The following GNAQ variants were observed in gnomAD, a reference collection of about 807,000 sequenced individuals.
GNAQ encodes the protein G protein subunit alpha q, also known as guanine nucleotide-binding protein G(q) subunit alpha.
A neutral mutation model predicts 43.9 loss-of-function variants in GNAQ; 8 were observed. The observed-to-expected ratio is 0.18, with a 90% CI of 0.11 to 0.33. The LOEUF (loss-of-function observed/expected upper bound fraction) is 0.33. Among genes scored for constraint, GNAQ ranks in the 10% least tolerant of loss-of-function variants. The pLI is 1.00. For missense variants in GNAQ, 158 were observed against 450.8 expected, an observed-to-expected ratio of 0.35 and a Z score of 5.88; for synonymous variants, 155 against 170.7, an observed-to-expected ratio of 0.91 and a Z score of 0.71.
intron 5 of GNAQ, among the ~76,000 whole-genome samples, chr9:77,767,065 T>C (rs1299508498): frequency 6.6e-6 from 1 of 152,162 alleles, no homozygotes; most frequent in Admixed American, 6.5e-5. Context: ...ACGTTTAGTG[T>C]GTACTGGCAC....
intron 1 of GNAQ, among the ~76,000 whole-genome samples, chr9:77,997,580 C>T (rs750691138): frequency 1.3e-5 from 2 of 152,098 alleles, no homozygotes; most frequent in South Asian, 2.1e-4. Flanking sequence ...GTGATCAGAA[C>T]GGGATCCCCT....
intron 2 of GNAQ, among the ~76,000 whole-genome samples, chr9:77,851,945 G>A (rs1229612709): frequency 6.6e-6 from 1 of 152,180 alleles, no homozygotes; most frequent in African/African-American, 2.4e-5. Flanking sequence ...GTAAAAATCA[G>A]CAAAGATTCC....
chr9:77,913,992 T>G (rs1587405857), intron 2 of GNAQ, among the ~76,000 whole-genome samples: 1 of 152,222 alleles, frequency 6.6e-6, no homozygotes, highest in Non-Finnish European at 1.5e-5. Context: ...AAAATGAACT[T>G]AGATGTACAT....
intron 2 of GNAQ, among the ~76,000 whole-genome samples, chr9:77,827,635 C>T (rs182541182): frequency 6.6e-6 from 1 of 152,120 alleles, no homozygotes; most frequent in East Asian, 1.9e-4. Flanking sequence ...TCTTACTAAC[C>T]TCTTCTGTGT....
chr9:77,923,057 A>G (rs900707717), intron 1 of GNAQ, among the ~76,000 whole-genome samples: 2 of 151,512 alleles, frequency 1.3e-5, no homozygotes, highest in Non-Finnish European at 2.9e-5. Context: ...GGTTCTCACT[A>G]GATTGACTGG....
chr9:77,870,476 CCA>C (rs1268473830), intron 2 of GNAQ, among the ~76,000 whole-genome samples: 2 of 151,834 alleles, frequency 1.3e-5, no homozygotes, highest in African/African-American at 4.8e-5. Flanking sequence ...CAGGCGCCTG[CCA>C]AGGCGCCCTG....
At chr9:77,774,476 TAGAG>T (rs980202416) in intron 5 of GNAQ, among the ~76,000 whole-genome samples, 3 of 152,044 alleles carry the variant, frequency 2.0e-5, no homozygotes, top group Non-Finnish European at 2.9e-5. Flanking sequence ...AAAGAAAAAA[TAGAG>T]AGACAGGTTC....
At chr9:77,901,666 T>G (rs1457562889) in intron 2 of GNAQ, among the ~76,000 whole-genome samples, 1 of 152,208 alleles carries the variant, frequency 6.6e-6, no homozygotes, top group Non-Finnish European at 1.5e-5. Context: ...ACAGCTACCC[T>G]AGAAATCCTG....
chr9:77,854,440 C>T lies in GNAQ; in HGVS notation c.322-38670G>A, dbSNP rs11145584. ...AAAACAGGAAAGATTTGTCATGGGG[C>T]AAGACTAAACACAGGTTAAGTGGCA... On this transcript the variant is annotated intron_variant, in intron 2 of 6. Coordinates refer to ENST00000286548, the MANE Select transcript of GNAQ (RefSeq NM_002072.5). Among the ~76,000 whole-genome samples, 4 of 152,224 alleles carry T rather than the reference C, an allele frequency of 2.6e-5. 1 individual carries two copies. The highest frequency in any genetic ancestry group is 4.2e-4 in the South Asian group (2 of 4,818).
intron 5 of GNAQ, among the ~76,000 whole-genome samples, chr9:77,767,184 A>G (rs1272228891): frequency 1.3e-5 from 2 of 152,104 alleles, no homozygotes; most frequent in Non-Finnish European, 2.9e-5. Context: ...GCGGCCCTCT[A>G]GGTTCCCCCA....
intron 3 of GNAQ, among the ~76,000 whole-genome samples, chr9:77,805,168 C>G (rs1564115819): frequency 6.6e-6 from 1 of 152,104 alleles, no homozygotes; most frequent in Non-Finnish European, 1.5e-5. Context: ...GCATAACCTA[C>G]TCTAGTCCCT....
intron 5 of GNAQ, among the ~76,000 whole-genome samples, chr9:77,779,684 A>AC (rs905599016): frequency 7.4e-6 from 1 of 135,812 alleles, no homozygotes; most frequent in African/African-American, 2.9e-5. Flanking sequence ...ACAAAACAAA[A>AC]AAAAAAAAAA....
intron 5 of GNAQ, among the ~76,000 whole-genome samples, chr9:77,772,853 G>T (rs915660371): frequency 1.3e-5 from 2 of 152,178 alleles, no homozygotes; most frequent in African/African-American, 4.8e-5. Flanking sequence ...GGAAGAGAAG[G>T]AACTGTCTTG....
chr9:77,985,864 A>T (rs942762101), intron 1 of GNAQ, among the ~76,000 whole-genome samples: 1 of 152,194 alleles, frequency 6.6e-6, no homozygotes, highest in South Asian at 2.1e-4. Context: ...CTGGGATTAC[A>T]GGCATGAGCC....
chr9:77,968,219 A>G (rs893623630), intron 1 of GNAQ, among the ~76,000 whole-genome samples: 33 of 152,246 alleles, frequency 2.2e-4, no homozygotes, highest in African/African-American at 7.5e-4. Flanking sequence ...ATTTTTTTTT[A>G]AAGATAAAGA....
At chr9:77,970,156 T>C (rs1308211709) in intron 1 of GNAQ, among the ~76,000 whole-genome samples, 2 of 151,508 alleles carry the variant, frequency 1.3e-5, no homozygotes, top group Non-Finnish European at 2.9e-5. Flanking sequence ...GAGATGGAGG[T>C]TGCAGTGAGC....
At position 77,720,471 on chromosome 9, in the gene GNAQ, G is replaced by C. The variant is rs1266130982; in HGVS notation, c.*852C>G. On this transcript the variant is annotated 3_prime_UTR_variant, in exon 7 of 7. Transcript: ENST00000286548. ...GTAGCAGCCATTAGGGTAATGTAGT[G>C]TCTGTTGGCATCTTTTTTGGCATCT... 2 of 233,408 alleles carry C rather than the reference G, an allele frequency of 8.6e-6. No individual in the cohort carries two copies. Among genetic ancestry groups the C allele is most frequent in the Non-Finnish European group, 8.5e-6 (1 of 117,972 alleles). 14.5% of individuals were successfully genotyped at this position (233,408 alleles called of 1,614,324 possible).
chr9:77,922,577 C>T lies in GNAQ; in HGVS notation c.137-232G>A, dbSNP rs114546483. Among the ~76,000 whole-genome samples, 376 of 152,274 alleles carry T rather than the reference C, an allele frequency of 2.5e-3. 3 individuals are homozygous for T. The highest frequency in any genetic ancestry group is 8.5e-3 in the African/African-American group (352 of 41,552). On this transcript the variant is annotated intron_variant, in intron 1 of 6. Coordinates refer to ENST00000286548, the MANE Select transcript of GNAQ (RefSeq NM_002072.5). ...AACAATGAAAAACCCAAACCCGTCA[C>T]CTCCTTGGAAACCACTCAGCACTGA...
intron 5 of GNAQ, among the ~76,000 whole-genome samples, chr9:77,735,485 A>G (rs1470931799): frequency 1.3e-5 from 2 of 152,192 alleles, no homozygotes; most frequent in Admixed American, 1.3e-4. Context: ...CCAGAAGACA[A>G]ATAACTCCAA....
Sources: allele counts gnomAD v4.1 joint callset (sites outside exome capture counted in the v4.1 genomes callset), GRCh38; gene constraint gnomAD v4.1.1; transcripts MANE v1.5; gene names NCBI Gene and HGNC (gene_info 2026-07-23, HGNC 2026-07-21).